The following CDK7 variants were observed in gnomAD, a reference collection of about 807,000 sequenced individuals.
CDK7 encodes cyclin dependent kinase 7.
CDK7 carries 25 observed loss-of-function variants against 49.1 expected under a neutral mutation model. That is an observed-to-expected ratio of 0.51 (90% CI 0.37 to 0.71). CDK7 has a LOEUF of 0.71. CDK7 is among the 30% of genes least tolerant of loss of function. The probability of loss-of-function intolerance (pLI) is 0.00; values close to 1 mark genes in which losing one functional copy is unlikely to be tolerated. For synonymous variants in CDK7, 107 were observed against 140.0 expected, an observed-to-expected ratio of 0.76 and a Z score of 1.67; for missense variants, 316 against 411.7, an observed-to-expected ratio of 0.77 and a Z score of 2.01.
At chr5:69,266,513 G>C (rs1164768719) in intron 8 of CDK7, among the ~76,000 whole-genome samples, 1 of 152,152 alleles carries the variant, frequency 6.6e-6, no homozygotes, top group Non-Finnish European at 1.5e-5. Flanking sequence ...CCACAAGGCA[G>C]AGGTTGCAGA....
At position 69,243,826 on chromosome 5, in the gene CDK7, GTTTTTTTT is replaced by G. The variant is rs747576681; in HGVS notation, c.126+8390_126+8397del. 6.0e-5 allele frequency among the ~76,000 whole-genome samples: 4 copies of G among 66,404 alleles called. No homozygotes were observed. In the East Asian group the frequency reaches 1.7e-3, roughly 28 times the overall value. The allele number at this position is 66,404 out of a possible 152,430, so 43.6% of individuals were successfully genotyped here. ...TCAATTTCTTTCACCAATGATAGTT[GTTTTTTTT>G]TTTTTTTTTTTTTTTTGAGATGGAG... On this transcript the variant is annotated intron_variant, in intron 2 of 11. Transcript: ENST00000256443.
chr5:69,241,665 T>C (rs1021027387), intron 2 of CDK7, among the ~76,000 whole-genome samples: 1 of 152,190 alleles, frequency 6.6e-6, no homozygotes, highest in Non-Finnish European at 1.5e-5. Context: ...TGCTCAGTGA[T>C]GTTGGCACCT....
chr5:69,239,518 G>A (rs1749228447), intron 2 of CDK7, among the ~76,000 whole-genome samples: 1 of 151,854 alleles, frequency 6.6e-6, no homozygotes, highest in African/African-American at 2.4e-5. Flanking sequence ...CAATCCTCCA[G>A]CATCGGCCTC....
intron 2 of CDK7, among the ~76,000 whole-genome samples, chr5:69,240,794 A>G (rs1455535213): frequency 6.6e-6 from 1 of 151,842 alleles, no homozygotes; most frequent in Non-Finnish European, 1.5e-5. Flanking sequence ...CACCCAGCTA[A>G]TTTTTTGTAT....
chr5:69,254,836 A>T (rs1355709152), intron 4 of CDK7, among the ~76,000 whole-genome samples, 167 bp downstream of exon 4: 1 of 152,230 alleles, frequency 6.6e-6, no homozygotes, highest in East Asian at 1.9e-4. Flanking sequence ...TGTCTTCAAA[A>T]CTATACCACT....
chr5:69,260,077 G>A lies in CDK7; in HGVS notation c.527+141G>A, dbSNP rs187250655. 394 of 606,338 alleles carry A rather than the reference G, an allele frequency of 6.5e-4. 1 individual carries two copies. The highest frequency in any genetic ancestry group is 5.2e-3 in the African/African-American group (281 of 53,662). The allele number at this position is 606,338 out of a possible 1,614,324, so 37.6% of individuals were successfully genotyped here. On this transcript the variant is annotated intron_variant, in intron 7 of 11. Transcript: ENST00000256443. ...AAAATACTGCCATTTGGCCAGGCGC[G>A]GTGACTCATGCCTGTAATCCCAGCA...
chr5:69,260,411 C>T (rs1750743430), intron 7 of CDK7, among the ~76,000 whole-genome samples: 1 of 151,928 alleles, frequency 6.6e-6, no homozygotes, highest in Admixed American at 6.6e-5. Context: ...TATACTTTAC[C>T]ACGATGAAAA....
In CDK7 at chr5:69,258,068, T is replaced by C; in HGVS notation, c.323T>C (p.Val108Ala). 1 of 1,584,730 alleles carries C rather than the reference T, an allele frequency of 6.3e-7. No individual in the cohort carries two copies. Among genetic ancestry groups the C allele is most frequent in the Non-Finnish European group, 8.6e-7 (1 of 1,157,070 alleles). Residue 108 changes from valine (V) to alanine (A), a missense_variant, in exon 6 of 12, where the codon GTG (valine) becomes GCG (alanine). By Grantham distance (64) the Val-to-Ala change is moderately conservative. Transcript: ENST00000256443. ...LEVIIKDNSL[V>A]LTPSHIKAYM... is the part of the protein sequence containing the mutation. ...GTTATAATAAAGGATAATAGTCTTG[T>C]GCTGACACCATCACACATCAAAGCC...
chr5:69,252,743 A>G (rs916642923), intron 3 of CDK7, among the ~76,000 whole-genome samples: 4 of 152,056 alleles, frequency 2.6e-5, no homozygotes, highest in Non-Finnish European at 5.9e-5. Flanking sequence ...TCCTGGCCTC[A>G]AGCTATCCTC....
chr5:69,259,288 T>A (rs1161159924), intron 6 of CDK7, among the ~76,000 whole-genome samples: 4 of 152,134 alleles, frequency 2.6e-5, no homozygotes, highest in Non-Finnish European at 4.4e-5. Context: ...AGAACAAAGC[T>A]GATAATTTAG....
intron 5 of CDK7, among the ~76,000 whole-genome samples, chr5:69,257,759 C>T (rs1179450768): frequency 6.6e-6 from 1 of 152,176 alleles, no homozygotes; most frequent in Non-Finnish European, 1.5e-5. Context: ...CCCAAAGGAA[C>T]ACTAACTGCT....
At chr5:69,252,348 A>T in intron 2 of CDK7, 70 bp from the exon 3 acceptor site, 1 of 926,124 alleles carries the variant, frequency 1.1e-6, no homozygotes, top group Non-Finnish European at 1.7e-6. Flanking sequence ...AAGTATTTAC[A>T]CATTATTCAT....
chr5:69,274,612 A>T (rs901008697), intron 10 of CDK7, among the ~76,000 whole-genome samples: 1 of 152,040 alleles, frequency 6.6e-6, no homozygotes, highest in African/African-American at 2.4e-5. Context: ...ATCCTAAAGG[A>T]AGTATTTATT....
chr5:69,239,311 C>T (rs939091690), intron 2 of CDK7, among the ~76,000 whole-genome samples: 5 of 152,174 alleles, frequency 3.3e-5, no homozygotes, highest in African/African-American at 1.2e-4. Flanking sequence ...TTTCAATTAA[C>T]ATTTCTCTGA....
In CDK7 at chr5:69,254,687, T is replaced by C. The variant is rs746933280; in HGVS notation, c.228+18T>C. ...TAATTGGTGTGAGTATGATCAAAAC[T>C]GTTACTGGGATTTGGGACTCTGCCT... On this transcript the variant is annotated intron_variant, in intron 4 of 11. Transcript: ENST00000256443. The C allele has an allele frequency of 2.3e-5, 31 of 1,328,740 alleles. No homozygotes were observed. Among genetic ancestry groups the C allele is most frequent in the Non-Finnish European group, 2.9e-5 (27 of 923,602 alleles). 82.3% of individuals were successfully genotyped at this position (1,328,740 alleles called of 1,614,324 possible).
At chr5:69,235,245 G>A in intron 1 of CDK7, 149 bp from the exon 2 acceptor site, 1 of 766,618 alleles carries the variant, frequency 1.3e-6, no homozygotes, top group Non-Finnish European at 2.2e-6. Flanking sequence ...AGAGTAGCCT[G>A]GAGCTGGACG....
At chr5:69,273,144 G>A in intron 10 of CDK7, 103 bp downstream of exon 10, 1 of 808,174 alleles carries the variant, frequency 1.2e-6, no homozygotes, top group East Asian at 2.8e-5. Flanking sequence ...TTAAATACTG[G>A]AAAGATGTGT....
At chr5:69,235,139 G>T in intron 1 of CDK7, 98 bp downstream of exon 1, 2 of 1,194,186 alleles carry the variant, frequency 1.7e-6, no homozygotes, top group Non-Finnish European at 1.2e-6. Flanking sequence ...GGTCTGGCTT[G>T]GCTGCTCGTT....
intron 5 of CDK7, chr5:69,255,826 CT>C (rs200870478): frequency 0.079 from 19,940 of 252,204 alleles, no homozygotes; most frequent in South Asian, 0.13. Flanking sequence ...GATTTGTTTG[CT>C]TTTTTTTTTT....
Sources: gnomAD v4.1 joint callset for allele counts (sites outside exome capture counted in the v4.1 genomes callset) on GRCh38, gnomAD v4.1.1 for gene constraint, MANE v1.5 for transcripts, NCBI Gene and HGNC (gene_info 2026-07-23, HGNC 2026-07-21) for gene names.